Variants in PKHD1 observed in about 807,000 individuals in gnomAD.
PKHD1 encodes the protein fibrocystin.
A neutral mutation model predicts 412.0 loss-of-function variants in PKHD1; 291 were observed. That is an observed-to-expected ratio of 0.71 (90% CI 0.64 to 0.78). The LOEUF (loss-of-function observed/expected upper bound fraction) is 0.78, where lower values mean the gene tolerates loss of function less well. PKHD1 is among the 30% of genes least tolerant of loss of function. PKHD1 has a pLI of 0.00. For synonymous variants in PKHD1, 1,777 were observed against 1,821.5 expected, an observed-to-expected ratio of 0.98 and a Z score of 0.62; for missense variants, 4,825 against 4,950.7, an observed-to-expected ratio of 0.97 and a Z score of 0.76.
At chr6:51,866,247 T>C (rs778847613) in intron 48 of PKHD1, among the ~76,000 whole-genome samples, 1 of 152,102 alleles carries the variant, frequency 6.6e-6, no homozygotes, top group Non-Finnish European at 1.5e-5. Flanking sequence ...AAATTTTAAA[T>C]AGAATCTAAG....
chr6:51,813,798 C>T (rs918197157), intron 52 of PKHD1, among the ~76,000 whole-genome samples: 1 of 150,008 alleles, frequency 6.7e-6, no homozygotes, highest in Non-Finnish European at 1.5e-5. Flanking sequence ...CTGGGTGAGG[C>T]TTGTACTAAG....
intron 60 of PKHD1, among the ~76,000 whole-genome samples, chr6:51,686,981 C>CTTGGTTTCT (rs1337690624): frequency 1.3e-5 from 2 of 152,160 alleles, no homozygotes; most frequent in East Asian, 3.9e-4. Flanking sequence ...CTCAGGTACT[C>CTTGGTTTCT]CACTTTCTCT....
At chr6:51,724,148 A>C (rs889116320) in intron 60 of PKHD1, among the ~76,000 whole-genome samples, 5 of 152,192 alleles carry the variant, frequency 3.3e-5, no homozygotes, top group Admixed American at 6.5e-5. Flanking sequence ...CAGCTGCAAA[A>C]GATTACCTGA....
At chr6:51,850,485 G>A (rs2151644803) in intron 49 of PKHD1, among the ~76,000 whole-genome samples, 1 of 152,324 alleles carries the variant, frequency 6.6e-6, no homozygotes, top group East Asian at 1.9e-4. Context: ...ACTTTGGGCA[G>A]TATAGCCATT....
At chr6:51,964,590 C>A (rs145274900) in intron 35 of PKHD1, among the ~76,000 whole-genome samples, 1 of 152,202 alleles carries the variant, frequency 6.6e-6, no homozygotes, top group Non-Finnish European at 1.5e-5. Context: ...ATCCCTAGAA[C>A]CTACAATAAT....
At position 51,934,320 on chromosome 6, in the gene PKHD1, C is replaced by G; in HGVS notation, c.5911G>C (p.Gly1971Arg). The change falls in exon 37 of 67, where the codon GGC becomes CGC. Residue 1971 changes from glycine to arginine, a missense_variant and splice_region_variant. Gly to Arg is a moderately radical substitution (Grantham distance 125). Transcript: ENST00000371117. ...SILNLLHIKGGKLIFMAPGPI... is the reference protein window; with the variant it reads ...SILNLLHIKGRKLIFMAPGPI... ...CCTGGGGCCATGAAAATCAGCTTGC[C>G]CCCTAATGGACAAAGGGAAAATTGT... The G allele has an allele frequency of 1.9e-6, 3 of 1,609,284 alleles. No individual in the cohort carries two copies. The highest frequency in any genetic ancestry group is 2.5e-6 in the Non-Finnish European group (3 of 1,177,132).
chr6:51,765,888 C>T (rs1363655368), intron 55 of PKHD1, among the ~76,000 whole-genome samples: 1 of 152,032 alleles, frequency 6.6e-6, no homozygotes, highest in African/African-American at 2.4e-5. Context: ...GCTAGAACAC[C>T]GTTTCCACAT....
intron 24 of PKHD1, 147 bp from the exon 25 acceptor site, chr6:52,045,235 GA>G: frequency 1.3e-6 from 1 of 787,206 alleles, no homozygotes. Flanking sequence ...TTGAAATATA[GA>G]AACGTAACAG....
chr6:51,981,348 T>G (rs1460262091), intron 35 of PKHD1, among the ~76,000 whole-genome samples: 3 of 58,246 alleles, frequency 5.2e-5, no homozygotes, highest in Non-Finnish European at 1.0e-4. Flanking sequence ...TCCCTCTCCC[T>G]CTCCCTCTCC....
At chr6:51,860,287 C>G (rs1201236472) in intron 48 of PKHD1, among the ~76,000 whole-genome samples, 1 of 152,168 alleles carries the variant, frequency 6.6e-6, no homozygotes, top group East Asian at 1.9e-4. Context: ...CTGACCATCA[C>G]CAGGGGCCAA....
chr6:51,941,058 C>T (rs1469191282), intron 36 of PKHD1, among the ~76,000 whole-genome samples: 1 of 151,026 alleles, frequency 6.6e-6, no homozygotes, highest in Admixed American at 6.6e-5. Context: ...CTTGTATCCC[C>T]CCCCACCTTA....
At chr6:52,028,389 G>A in intron 29 of PKHD1, 38 bp from the exon 30 acceptor site, 1 of 1,583,256 alleles carries the variant, frequency 6.3e-7, no homozygotes, top group South Asian at 1.1e-5. Flanking sequence ...TGACATGTGG[G>A]GTTTGTGGGC....
Position 52,019,678 on chromosome 6 carries a change from C to T in PKHD1, c.5381-2049G>A, listed in dbSNP as rs151114544. ...CGTGACCTTAATCACTTTAGCTTTCCATGCCTTATGGAAAAGTTAAAGTTT... is the reference window on the plus strand; with the variant it reads ...CGTGACCTTAATCACTTTAGCTTTCTATGCCTTATGGAAAAGTTAAAGTTT... On this transcript the variant is annotated intron_variant, in intron 33 of 66. Transcript: ENST00000371117. 2.9e-3 allele frequency among the ~76,000 whole-genome samples: 448 copies of T among 152,302 alleles called. 2 individuals are homozygous for T. Among genetic ancestry groups the T allele is most frequent in the African/African-American group, 0.01 (431 of 41,566 alleles).
chr6:51,628,572 T>C (rs191730114), intron 65 of PKHD1, among the ~76,000 whole-genome samples: 1 of 152,328 alleles, frequency 6.6e-6, no homozygotes, highest in Admixed American at 6.5e-5. Context: ...GACTGATTTA[T>C]ATTCTTTTGG....
intron 60 of PKHD1, among the ~76,000 whole-genome samples, chr6:51,663,055 G>A (rs1225081522): frequency 6.6e-6 from 1 of 151,978 alleles, no homozygotes; most frequent in East Asian, 1.9e-4. Flanking sequence ...GATCCAGTAT[G>A]AAGGCAAATT....
At chr6:51,827,713 A>T (rs1013180853) in intron 52 of PKHD1, among the ~76,000 whole-genome samples, 1 of 152,130 alleles carries the variant, frequency 6.6e-6, no homozygotes, top group African/African-American at 2.4e-5. Flanking sequence ...TATGTGTTTT[A>T]TTAACCCAGC....
chr6:51,792,894 T>C (rs1426426096), intron 52 of PKHD1, among the ~76,000 whole-genome samples: 1 of 152,202 alleles, frequency 6.6e-6, no homozygotes, highest in East Asian at 1.9e-4. Flanking sequence ...CTGAGACACA[T>C]TATTCAAATT....
At chr6:51,985,499 C>T (rs1796088683) in intron 35 of PKHD1, among the ~76,000 whole-genome samples, 1 of 152,132 alleles carries the variant, frequency 6.6e-6, no homozygotes, top group Non-Finnish European at 1.5e-5. Flanking sequence ...AAGGCTGAGG[C>T]GGGCGGATCA....
intron 60 of PKHD1, among the ~76,000 whole-genome samples, chr6:51,673,359 A>C (rs1242863318): frequency 6.6e-6 from 1 of 152,230 alleles, no homozygotes; most frequent in Non-Finnish European, 1.5e-5. Flanking sequence ...TGCCAACAGC[A>C]TTAATCAAAG....
Sources: allele counts gnomAD v4.1 joint callset (sites outside exome capture counted in the v4.1 genomes callset), GRCh38; gene constraint gnomAD v4.1.1; transcripts MANE v1.5; gene names NCBI Gene and HGNC (gene_info 2026-07-23, HGNC 2026-07-21).